Variants in RPN2 observed in about 807,000 individuals in gnomAD.
The protein encoded by RPN2 is dolichyl-diphosphooligosaccharide--protein glycosyltransferase subunit 2.
In RPN2, 29 loss-of-function variants were observed where a neutral mutation model predicts 71.4. That is an observed-to-expected ratio of 0.41 (90% confidence interval 0.30 to 0.55). The LOEUF (loss-of-function observed/expected upper bound fraction) is 0.55. RPN2 is among the 20% of genes least tolerant of loss of function. The pLI, the probability that RPN2 is intolerant of heterozygous loss-of-function variation, is 0.35. For synonymous variants in RPN2, 308 were observed against 305.0 expected, an observed-to-expected ratio of 1.01 and a Z score of -0.10; for missense variants, 726 against 774.1, an observed-to-expected ratio of 0.94 and a Z score of 0.74.
chr20:37,209,358 TG>T (rs1301369375), intron 7 of RPN2, among the ~76,000 whole-genome samples: 3 of 152,226 alleles, frequency 2.0e-5, no homozygotes, highest in African/African-American at 7.2e-5. Context: ...GGGGTCTCAC[TG>T]TATTGCCCAG....
chr20:37,180,573 G>T (rs1429575058), intron 1 of RPN2, among the ~76,000 whole-genome samples: 1 of 152,174 alleles, frequency 6.6e-6, no homozygotes, highest in East Asian at 1.9e-4. Flanking sequence ...GAAAATGCTA[G>T]TCGCAGCCAT....
rs1050507778 is a variant in RPN2, at chr20:37,179,499, G to A, written c.13+130G>A. The stretch of plus-strand genomic sequence containing the variant: ...GGGGCATGGGCACAAGCTCTGGCTG[G>A]GGCGCTCTCGGATCGAGGGTCCGAA... On this transcript the variant is annotated intron_variant, in intron 1 of 16. Coordinates refer to ENST00000237530, the MANE Select transcript of RPN2 (RefSeq NM_002951.5). 7.9e-6 allele frequency: 11 copies of A among 1,401,122 alleles called. No individual in the cohort carries two copies. The African/African-American group carries it at 1.5e-4, about 19-fold the overall frequency. 86.8% of individuals were successfully genotyped at this position (1,401,122 alleles called of 1,614,324 possible). A position where few individuals can be genotyped will look rare whatever the true frequency, so the allele number is the denominator to read the frequency against.
intron 9 of RPN2, among the ~76,000 whole-genome samples, chr20:37,215,690 C>T (rs1276333128): frequency 3.3e-5 from 5 of 152,144 alleles, no homozygotes; most frequent in Admixed American, 1.3e-4. Context: ...TTGTCTTTTC[C>T]ATGAGTCTTT....
At chr20:37,223,553 G>A (rs533279302) in intron 9 of RPN2, among the ~76,000 whole-genome samples, 1 of 152,100 alleles carries the variant, frequency 6.6e-6, no homozygotes, top group South Asian at 2.1e-4. Flanking sequence ...TGAATGAAAG[G>A]TACTGCTTAA....
chr20:37,182,879 A>G (rs1044308290), intron 1 of RPN2, among the ~76,000 whole-genome samples: 2 of 152,216 alleles, frequency 1.3e-5, no homozygotes, highest in Non-Finnish European at 1.5e-5. Context: ...TAAATAAATG[A>G]AGTAGAAATG....
rs2067327930 is a variant in RPN2 at position 37,199,315 on chromosome 20, T to C, written c.479+90T>C. 3.3e-6 allele frequency: 5 copies of C among 1,505,628 alleles called. No homozygotes were observed. The Admixed American group carries it at 9.0e-5, about 27-fold the overall frequency. The allele number at this position is 1,505,628 out of a possible 1,614,324, so 93.3% of individuals were successfully genotyped here. A position where few individuals can be genotyped will look rare whatever the true frequency, so the allele number is the denominator to read the frequency against. The stretch of plus-strand genomic sequence containing the variant: ...ATTCATTGGTTCAGCAAATACTTTC[T>C]GGGCAAGTACTTGCAGTAAATACTT... On this transcript the variant is annotated intron_variant, in intron 4 of 16. Transcript: ENST00000237530.
At chr20:37,228,832 C>T (rs2068156231) in intron 12 of RPN2, 88 bp downstream of exon 12, 1 of 1,265,196 alleles carries the variant, frequency 7.9e-7, no homozygotes, top group Non-Finnish European at 1.1e-6. Flanking sequence ...GGGCTCTTCA[C>T]CTTCGCCTTG....
At chr20:37,227,296 A>G (rs1263789967) in intron 11 of RPN2, among the ~76,000 whole-genome samples, 2 of 152,382 alleles carry the variant, frequency 1.3e-5, no homozygotes, top group South Asian at 2.1e-4. Context: ...TAGGATTAGG[A>G]TTAGAGCAAG....
chr20:37,222,104 T>G (rs2067972986), intron 9 of RPN2, among the ~76,000 whole-genome samples: 1 of 152,238 alleles, frequency 6.6e-6, no homozygotes. Context: ...TGTCGGGTTG[T>G]GTTTTTTGCA....
rs1186716508 is a variant in RPN2 at position 37,233,086 on chromosome 20, G to A, written c.1677+695G>A. Among the ~76,000 whole-genome samples the A allele has an allele frequency of 5.3e-5, 8 of 152,074 alleles. No homozygotes were observed. In the East Asian group the frequency reaches 1.5e-3, roughly 29 times the overall value. On this transcript the variant is annotated intron_variant, in intron 14 of 16. Transcript: ENST00000237530. ...GAAAATTAGAAAAAAAAAAATTAAT[G>A]GTGACGTATGCCTGTAGTCCCGGCT...
intron 13 of RPN2, among the ~76,000 whole-genome samples, chr20:37,230,312 C>T (rs755156093): frequency 7.2e-5 from 11 of 152,170 alleles, no homozygotes; most frequent in African/African-American, 2.7e-4. Context: ...TCCTGACATC[C>T]GGCAGGTTCA....
chr20:37,179,795 A>G (rs1297585378), intron 1 of RPN2, among the ~76,000 whole-genome samples: 1 of 152,202 alleles, frequency 6.6e-6, no homozygotes, highest in East Asian at 1.9e-4. Flanking sequence ...GAAAGGGGCA[A>G]AGAAAACCCT....
In RPN2 at chr20:37,207,296, C is replaced by T. The variant is rs769587237; in HGVS notation, c.714C>T (p.Asn238=). The T allele has an allele frequency of 3.2e-5, 51 of 1,613,794 alleles. No homozygotes were observed. The East Asian group carries it at 7.8e-4, about 25-fold the overall frequency. ...IKEDQVIQLM[N]AIFSKKNFES... ...AGGATCAGGTCATCCAGCTGATGAA[C>T]GCGATCTTCAGCAAGAAGAACTTTG... Residue 238 remains asparagine, a synonymous_variant, in exon 7 of 17, where the codon AAC becomes AAT. Transcript: ENST00000237530.
At chr20:37,225,570 A>G (rs1187847351) in intron 10 of RPN2, 118 bp from the exon 11 acceptor site, 5 of 747,298 alleles carry the variant, frequency 6.7e-6, no homozygotes, top group African/African-American at 5.2e-5. Context: ...TCTGTCCACA[A>G]CAGAAGTGTT....
chr20:37,190,884 A>G (rs147497109), intron 2 of RPN2, among the ~76,000 whole-genome samples: 1 of 152,336 alleles, frequency 6.6e-6, no homozygotes, highest in Non-Finnish European at 1.5e-5. Flanking sequence ...GAGCTGTTGA[A>G]TTTCCTCATT....
At chr20:37,204,937 A>AG in intron 6 of RPN2, 36 bp downstream of exon 6, 2 of 1,613,956 alleles carry the variant, frequency 1.2e-6, no homozygotes, top group Non-Finnish European at 1.7e-6. Flanking sequence ...TGAAACCCAA[A>AG]GGGGTCATCA....
chr20:37,240,522 A>C (rs1198893795), intron 16 of RPN2, among the ~76,000 whole-genome samples: 1 of 152,122 alleles, frequency 6.6e-6, no homozygotes, highest in East Asian at 1.9e-4. Flanking sequence ...AAGAGCTGCC[A>C]CTGAAGGATG....
intron 7 of RPN2, among the ~76,000 whole-genome samples, chr20:37,208,427 T>G (rs1166460758): frequency 2.0e-5 from 3 of 152,228 alleles, no homozygotes; most frequent in Admixed American, 6.5e-5. Flanking sequence ...TGGTTTTTTT[T>G]GAGACGCGGT....
chr20:37,235,096 CTG>C (rs1370527710), intron 15 of RPN2, among the ~76,000 whole-genome samples: 2 of 152,080 alleles, frequency 1.3e-5, no homozygotes, highest in African/African-American at 4.8e-5. Context: ...AGGCAAATGT[CTG>C]TATTTTTCTG....
Sources: allele counts gnomAD v4.1 joint callset (sites outside exome capture counted in the v4.1 genomes callset), GRCh38; gene constraint gnomAD v4.1.1; transcripts MANE v1.5; gene names NCBI Gene and HGNC (gene_info 2026-07-23, HGNC 2026-07-21).